The following PLAUR variants were observed in gnomAD, a reference collection of about 807,000 sequenced individuals.
The protein encoded by PLAUR is urokinase plasminogen activator surface receptor.
PLAUR carries 22 observed loss-of-function variants against 33.4 expected under a neutral mutation model. That is an observed-to-expected ratio of 0.66 (90% CI 0.47 to 0.94). PLAUR has a LOEUF of 0.94. Ranked by LOEUF, PLAUR falls within the 40% of genes least tolerant of loss-of-function variation. The pLI is 0.00. For missense variants in PLAUR, 408 were observed against 434.7 expected (o/e 0.94, Z 0.55); for synonymous variants, 148 against 167.3 (o/e 0.88, Z 0.89).
chr19:43,654,909 G>A (rs940520154), intron 5 of PLAUR, among the ~76,000 whole-genome samples: 2 of 152,104 alleles, frequency 1.3e-5, no homozygotes, highest in African/African-American at 4.8e-5. Context: ...ATTTGAGAGA[G>A]ACAAAAGAGA....
At chr19:43,654,698 C>T (rs1193440752) in intron 5 of PLAUR, among the ~76,000 whole-genome samples, 2 of 152,062 alleles carry the variant, frequency 1.3e-5, no homozygotes, top group Non-Finnish European at 2.9e-5. Flanking sequence ...CATGCCAGTG[C>T]ACTCCAGCCT....
chr19:43,647,957 A>G (rs1449890212), downstream of PLAUR, among the ~76,000 whole-genome samples: 1 of 83,886 alleles, frequency 1.2e-5, no homozygotes, highest in Admixed American at 1.2e-4. Context: ...TTTTTTTTTT[A>G]CAGACTAAGG....
At chr19:43,653,483 G>A (rs1048581680) in intron 5 of PLAUR, among the ~76,000 whole-genome samples, 5 of 152,168 alleles carry the variant, frequency 3.3e-5, no homozygotes, top group Non-Finnish European at 7.3e-5. Context: ...GAGACCAGAT[G>A]GGCTTTGGTG....
chr19:43,650,975 G>C (rs1973969248), intron 6 of PLAUR, among the ~76,000 whole-genome samples: 1 of 149,930 alleles, frequency 6.7e-6, no homozygotes, highest in Non-Finnish European at 1.5e-5. Context: ...GGAGGTTGCA[G>C]TGAGCTGAGA....
At chr19:43,665,130 G>A in intron 3 of PLAUR, 186 bp downstream of exon 3, 1 of 609,180 alleles carries the variant, frequency 1.6e-6, no homozygotes, top group Non-Finnish European at 2.9e-6. Flanking sequence ...AGTTGGGGTT[G>A]GATATGGGGT....
chr19:43,655,893 G>T (rs1021392457), intron 4 of PLAUR, among the ~76,000 whole-genome samples: 2 of 152,132 alleles, frequency 1.3e-5, no homozygotes, highest in Non-Finnish European at 2.9e-5. Flanking sequence ...GAACTTAGAT[G>T]TGAGACCCGG....
chr19:43,660,457 G>A (rs4251849), intron 3 of PLAUR: 17,303 of 151,274 alleles, frequency 0.11, 1,066 homozygotes, highest in East Asian at 0.23. Flanking sequence ...ACAGGCTTGA[G>A]CCACCATGCC....
chr19:43,656,539 G>T lies in PLAUR; in HGVS notation c.412C>A (p.Arg138Ser). ...ERGRHQSLQC[R>S]SPEEQCLDVV... Reference sequence around the variant, plus strand: ...TCCAGGCACTGTTCTTCAGGGCTGCGGCACTGCAGGCTCTGGTGCCGGCCC... The same window carrying T: ...TCCAGGCACTGTTCTTCAGGGCTGCTGCACTGCAGGCTCTGGTGCCGGCCC... The change falls in exon 4 of 7, where the codon CGC becomes AGC. Residue 138 changes from arginine (R) to serine (S), a missense_variant. Coordinates refer to ENST00000340093, the MANE Select transcript of PLAUR (RefSeq NM_002659.4). 6.2e-7 allele frequency: 1 copy of T among 1,612,016 alleles called. No individual in the cohort carries two copies. Among genetic ancestry groups the T allele is most frequent in the Non-Finnish European group, 8.5e-7 (1 of 1,178,658 alleles).
chr19:43,659,167 C>CTTTTTTTTTTTT lies in PLAUR; in HGVS notation c.311-2539_311-2528dup, dbSNP rs3052823. 7.9e-3 allele frequency among the ~76,000 whole-genome samples: 770 copies of CTTTTTTTTTTTT among 96,880 alleles called. 19 individuals are homozygous for CTTTTTTTTTTTT. Among genetic ancestry groups the CTTTTTTTTTTTT allele is most frequent in the Middle Eastern group, 0.01 (1 of 96 alleles). 63.6% of individuals were successfully genotyped at this position (96,880 alleles called of 152,430 possible). On this transcript the variant is annotated intron_variant, in intron 3 of 6. Transcript: ENST00000340093. ...GCTATTTTCCTTTTTCTTTTCTTTT[C>CTTTTTTTTTTTT]TTTTTTTTTTTTTTTGAGATAGGGT...
At chr19:43,655,120 T>G (rs1974149020) in intron 5 of PLAUR, among the ~76,000 whole-genome samples, 1 of 151,464 alleles carries the variant, frequency 6.6e-6, no homozygotes, top group Non-Finnish European at 1.5e-5. Context: ...CTACTAAAAA[T>G]AGAAAAATTA....
At chr19:43,646,876 G>C (rs1040819035), downstream of PLAUR, among the ~76,000 whole-genome samples, 1 of 149,240 alleles carries the variant, frequency 6.7e-6, no homozygotes, top group African/African-American at 2.5e-5. Flanking sequence ...CTCCTCCTGG[G>C]TTCAAGCGAT....
chr19:43,653,150 A>C (rs1470266249), intron 5 of PLAUR, among the ~76,000 whole-genome samples: 1 of 152,200 alleles, frequency 6.6e-6, no homozygotes, highest in African/African-American at 2.4e-5. Context: ...CCAATCTGGT[A>C]GCCACTGGCC....
At chr19:43,656,058 G>C in intron 4 of PLAUR, among the ~76,000 whole-genome samples, 1 of 151,944 alleles carries the variant, frequency 6.6e-6, no homozygotes, top group East Asian at 1.9e-4. Flanking sequence ...TTTGAGACCA[G>C]CCTGACCAAC....
rs4251918 is a variant in PLAUR, at chr19:43,651,006, C to G, written c.754+1219G>C. ...TGAGACCATGCCACTGCACTCTAGC[C>G]TGGCGACAGAGCAAGACTCCATTTC... On this transcript the variant is annotated intron_variant, in intron 6 of 6. Coordinates refer to ENST00000340093, the MANE Select transcript of PLAUR (RefSeq NM_002659.4). 6.7e-3 allele frequency among the ~76,000 whole-genome samples: 993 copies of G among 147,870 alleles called. 13 individuals are homozygous for G. The highest frequency in any genetic ancestry group is 0.024 in the African/African-American group (953 of 39,994).
Position 43,648,990 on chromosome 19 carries a change from C to A in PLAUR, c.908G>T (p.Arg303Leu). The A allele has an allele frequency of 6.2e-7, 1 of 1,614,076 alleles. No individual in the cohort carries two copies. Among genetic ancestry groups the A allele is most frequent in the Non-Finnish European group, 8.5e-7 (1 of 1,179,984 alleles). The stretch of plus-strand genomic sequence containing the variant: ...GCCAGGCTGAGGAGCAGCCCCACTG[C>A]GGTACTGGACATCCAGGTCTGGGTG... ...CNHPDLDVQY[R>L]SGAAPQPGPA... The change falls in exon 7 of 7, where the codon CGC becomes CTC. Residue 303 changes from arginine to leucine, a missense_variant. Coordinates refer to ENST00000340093, the MANE Select transcript of PLAUR (RefSeq NM_002659.4).
intron 3 of PLAUR, chr19:43,661,400 CTTTTTTTTTTTTTT>C (rs1231669927): frequency 2.8e-4 from 42 of 149,746 alleles, no homozygotes; most frequent in African/African-American, 1.0e-3. Flanking sequence ...TTTCTTTTTT[CTTTTTTTTTTTTTT>C]GAAATGGAGT....
chr19:43,665,747 G>C (rs1284997558), intron 2 of PLAUR, among the ~76,000 whole-genome samples: 1 of 9,452 alleles, frequency 1.1e-4, no homozygotes, highest in Admixed American at 1.1e-3. Flanking sequence ...GCTCACTGGA[G>C]CCTTGACCTC....
chr19:43,662,223 C>T (rs4251841), intron 3 of PLAUR, among the ~76,000 whole-genome samples: 69,826 of 151,652 alleles, frequency 0.46, 16,776 homozygotes, highest in Non-Finnish European at 0.52. Context: ...GGGGGCCGGG[C>T]GCGGTGGCTC....
chr19:43,648,892 A>T lies in PLAUR; in HGVS notation c.1006T>A (p.Ter336LysextTer2). Residue 336 changes from the stop codon to lysine (K), a stop_lost, in exon 7 of 7, where the codon TAA becomes AAA. Coordinates refer to ENST00000340093, the MANE Select transcript of PLAUR (RefSeq NM_002659.4). ...RLWGGTLLWT[*>K] ...GGGCAGAGAGGGGGATTTCAGGTTT[A>T]GGTCCAGAGGAGAGTGCCTCCCCAC... 1 of 1,609,922 alleles carries T rather than the reference A, an allele frequency of 6.2e-7. No individual in the cohort carries two copies. The highest frequency in any genetic ancestry group is 2.2e-5 in the East Asian group (1 of 44,744).
Sources: allele counts gnomAD v4.1 joint callset (sites outside exome capture counted in the v4.1 genomes callset), GRCh38; gene constraint gnomAD v4.1.1; transcripts MANE v1.5; gene names NCBI Gene and HGNC (gene_info 2026-07-23, HGNC 2026-07-21).